HECW1: variants seen among roughly 807,000 people sequenced by gnomAD.
The protein encoded by HECW1 is E3 ubiquitin-protein ligase HECW1.
Under a neutral mutation model 182.3 loss-of-function variants are expected in HECW1, and 61 were observed. The observed-to-expected ratio is 0.33, with a 90% CI of 0.27 to 0.41. The LOEUF (loss-of-function observed/expected upper bound fraction) is 0.41, where lower values mean the gene tolerates loss of function less well. Among genes scored for constraint, HECW1 ranks in the 10% least tolerant of loss-of-function variants. HECW1 has a pLI of 1.00. For synonymous variants in HECW1, 859 were observed against 832.6 expected (o/e 1.03, Z -0.55); for missense variants, 1,739 against 2,108.9 (o/e 0.82, Z 3.44).
intron 6 of HECW1, among the ~76,000 whole-genome samples, chr7:43,382,636 A>G (rs1436268913): frequency 6.6e-6 from 1 of 152,216 alleles, no homozygotes; most frequent in Non-Finnish European, 1.5e-5. Flanking sequence ...TGACCCTAGA[A>G]TAGTATCTGT....
chr7:43,376,116 C>T (rs796086299), intron 6 of HECW1, among the ~76,000 whole-genome samples: 22 of 141,908 alleles, frequency 1.6e-4, no homozygotes, highest in African/African-American at 5.6e-4. Flanking sequence ...ATAAACCAAA[C>T]ATATACTCAC....
chr7:43,417,446 T>C (rs866737011), intron 8 of HECW1, among the ~76,000 whole-genome samples: 2 of 152,166 alleles, frequency 1.3e-5, no homozygotes, highest in African/African-American at 4.8e-5. Flanking sequence ...GCCTGGTGAG[T>C]CTAATCCTCT....
At chr7:43,441,603 G>A (rs1312458312) in intron 9 of HECW1, among the ~76,000 whole-genome samples, 1 of 152,010 alleles carries the variant, frequency 6.6e-6, no homozygotes, top group Non-Finnish European at 1.5e-5. Flanking sequence ...TTTTGTACAG[G>A]GCCAGGTAGT....
At chr7:43,416,190 T>C (rs989659861) in intron 8 of HECW1, among the ~76,000 whole-genome samples, 17 of 150,486 alleles carry the variant, frequency 1.1e-4, no homozygotes, top group African/African-American at 2.5e-4. Context: ...ATGATGGTGA[T>C]GTACAGATGG....
At chr7:43,307,710 G>C (rs1027288323) in intron 3 of HECW1, among the ~76,000 whole-genome samples, 1 of 151,742 alleles carries the variant, frequency 6.6e-6, no homozygotes, top group African/African-American at 2.4e-5. Flanking sequence ...AGCCACAAAC[G>C]AATTGCATGT....
chr7:43,539,678 G>A (rs1016133177), intron 24 of HECW1, among the ~76,000 whole-genome samples: 2 of 151,880 alleles, frequency 1.3e-5, no homozygotes, highest in African/African-American at 2.4e-5. Flanking sequence ...GCGGAACCAC[G>A]GGCCCATCAC....
At chr7:43,210,871 C>T (rs974038572) in intron 2 of HECW1, among the ~76,000 whole-genome samples, 38 of 152,260 alleles carry the variant, frequency 2.5e-4, no homozygotes, top group African/African-American at 8.9e-4. Flanking sequence ...GGACGGCGAG[C>T]GAAAGCTCAG....
chr7:43,374,015 C>G (rs1287252641), intron 6 of HECW1, among the ~76,000 whole-genome samples: 1 of 152,170 alleles, frequency 6.6e-6, no homozygotes. Context: ...TATGTATATG[C>G]TCTATTCTGA....
chr7:43,462,455 C>T (rs1312070700), intron 13 of HECW1, among the ~76,000 whole-genome samples: 1 of 151,684 alleles, frequency 6.6e-6, no homozygotes, highest in Non-Finnish European at 1.5e-5. Flanking sequence ...CCAGCAGCAT[C>T]AGGATCACCT....
intron 2 of HECW1, among the ~76,000 whole-genome samples, chr7:43,224,382 G>A (rs1482935974): frequency 2.0e-5 from 3 of 152,206 alleles, no homozygotes; most frequent in African/African-American, 7.2e-5. Flanking sequence ...TGTACTTGTA[G>A]CTCAAAATCA....
chr7:43,489,144 A>G lies in HECW1; in HGVS notation c.3235-2931A>G, dbSNP rs968463768. Among the ~76,000 whole-genome samples the G allele has an allele frequency of 3.9e-5, 6 of 152,218 alleles. No individual in the cohort carries two copies. The East Asian group carries it at 1.2e-3, about 29-fold the overall frequency. On this transcript the variant is annotated intron_variant, in intron 17 of 29. Coordinates refer to ENST00000395891, the MANE Select transcript of HECW1 (RefSeq NM_015052.5). The stretch of plus-strand genomic sequence containing the variant: ...GAAACAACAAATGTTTCCTGAGTCC[A>G]GTGCACAGCCAAGCCTTCCCGAGCT...
At chr7:43,114,440 T>C (rs1784884692) in intron 2 of HECW1, 49 bp downstream of exon 2, 2 of 1,319,600 alleles carry the variant, frequency 1.5e-6, no homozygotes, top group Non-Finnish European at 2.0e-6. Flanking sequence ...TGTTTTCCAC[T>C]AAGAAGGGAT....
chr7:43,187,902 T>C lies in HECW1; in HGVS notation c.-31-55973T>C, dbSNP rs116904165. ...GCACAAGTCAGTCCCAGACTGAATTTTTTCACATGTGCAACCATCTGTTAC... is the reference window on the plus strand; with the variant it reads ...GCACAAGTCAGTCCCAGACTGAATTCTTTCACATGTGCAACCATCTGTTAC... On this transcript the variant is annotated intron_variant, in intron 2 of 29. Transcript: ENST00000395891. Among the ~76,000 whole-genome samples the C allele has an allele frequency of 3.5e-4, 53 of 152,264 alleles. No homozygotes were observed. In the East Asian group the frequency reaches 7.3e-3, roughly 21 times the overall value.
chr7:43,225,392 G>C (rs888493664), intron 2 of HECW1, among the ~76,000 whole-genome samples: 3 of 152,172 alleles, frequency 2.0e-5, no homozygotes, highest in Non-Finnish European at 4.4e-5. Context: ...ACTGCACCAA[G>C]AGACGTGGGC....
At chr7:43,379,696 G>A (rs867616346) in intron 6 of HECW1, among the ~76,000 whole-genome samples, 1 of 151,988 alleles carries the variant, frequency 6.6e-6, no homozygotes, top group African/African-American at 2.4e-5. Context: ...TTCTCTGCTT[G>A]GGACAGTTCC....
chr7:43,213,122 T>C (rs1219222078), intron 2 of HECW1, among the ~76,000 whole-genome samples: 1 of 152,128 alleles, frequency 6.6e-6, no homozygotes, highest in Non-Finnish European at 1.5e-5. Context: ...TAATTCTCCA[T>C]CACCTGATAA....
At chr7:43,313,540 T>C (rs898494376) in intron 4 of HECW1, among the ~76,000 whole-genome samples, 12 of 152,168 alleles carry the variant, frequency 7.9e-5, no homozygotes, top group African/African-American at 2.9e-4. Context: ...TTTCTCCATG[T>C]TGGTCAGGCT....
chr7:43,219,014 T>A (rs992190191), intron 2 of HECW1, among the ~76,000 whole-genome samples: 3 of 152,052 alleles, frequency 2.0e-5, no homozygotes, highest in Non-Finnish European at 4.4e-5. Context: ...GAGGAGGTGG[T>A]GTTTGATTTG....
chr7:43,389,562 C>T (rs2074936085), intron 6 of HECW1, among the ~76,000 whole-genome samples: 1 of 152,218 alleles, frequency 6.6e-6, no homozygotes, highest in Non-Finnish European at 1.5e-5. Flanking sequence ...GGATTAATCT[C>T]AGCTAGCATT....
Sources: gnomAD v4.1 joint callset for allele counts (sites outside exome capture counted in the v4.1 genomes callset) on GRCh38, gnomAD v4.1.1 for gene constraint, MANE v1.5 for transcripts, NCBI Gene and HGNC (gene_info 2026-07-23, HGNC 2026-07-21) for gene names.